ZNF407: variants seen among roughly 807,000 people sequenced by gnomAD.
The protein encoded by ZNF407 is zinc finger protein 407.
Under a neutral mutation model 131.2 loss-of-function variants are expected in ZNF407, and 17 were observed. That is an observed-to-expected ratio of 0.13 (90% CI 0.09 to 0.19). The LOEUF (loss-of-function observed/expected upper bound fraction) is 0.19, where lower values mean the gene tolerates loss of function less well. Ranked by LOEUF, ZNF407 falls within the 10% of genes least tolerant of loss-of-function variation. The probability of loss-of-function intolerance (pLI) is 1.00; values close to 1 mark genes in which losing one functional copy is unlikely to be tolerated. For missense variants in ZNF407, 2,681 were observed against 2,830.6 expected (o/e 0.95, Z 1.20); for synonymous variants, 1,156 against 1,062.0 (o/e 1.09, Z -1.72).
intron 4 of ZNF407, among the ~76,000 whole-genome samples, chr18:74,813,058 G>T (rs1970219342): frequency 6.6e-6 from 1 of 152,016 alleles, no homozygotes; most frequent in South Asian, 2.1e-4. Flanking sequence ...CTGAATTGTT[G>T]GTTACACCTT....
intron 1 of ZNF407, among the ~76,000 whole-genome samples, chr18:74,606,421 T>C (rs1338266920): frequency 6.6e-6 from 1 of 152,182 alleles, no homozygotes; most frequent in Non-Finnish European, 1.5e-5. Context: ...ATATTTTAAA[T>C]ATATTTTGAG....
At chr18:74,850,839 G>A (rs57556157) in intron 4 of ZNF407, among the ~76,000 whole-genome samples, 1 of 152,082 alleles carries the variant, frequency 6.6e-6, no homozygotes, top group Admixed American at 6.5e-5. Flanking sequence ...AAGAACTCTC[G>A]AGAGCACAAA....
chr18:74,610,086 AG>A (rs1982988513), intron 1 of ZNF407, among the ~76,000 whole-genome samples: 1 of 152,218 alleles, frequency 6.6e-6, no homozygotes, highest in Non-Finnish European at 1.5e-5. Flanking sequence ...TCTTGGAGGC[AG>A]GGAACAAGTC....
chr18:74,732,489 A>G (rs1968316416), intron 3 of ZNF407, among the ~76,000 whole-genome samples: 1 of 152,144 alleles, frequency 6.6e-6, no homozygotes, highest in Admixed American at 6.5e-5. Flanking sequence ...CTAAGCCAAG[A>G]TGAGAGTTCT....
At chr18:74,906,798 T>C (rs1971601325) in intron 7 of ZNF407, among the ~76,000 whole-genome samples, 1 of 150,970 alleles carries the variant, frequency 6.6e-6, no homozygotes, top group African/African-American at 2.4e-5. Context: ...GTGTATATAT[T>C]TTATATGTGC....
chr18:75,014,444 C>T (rs1304994240), intron 8 of ZNF407, among the ~76,000 whole-genome samples: 2 of 151,910 alleles, frequency 1.3e-5, no homozygotes, highest in Non-Finnish European at 2.9e-5. Context: ...AGCCATTTTC[C>T]TCTTTCTTTT....
At chr18:74,853,545 T>C (rs1970818610) in intron 4 of ZNF407, among the ~76,000 whole-genome samples, 1 of 152,222 alleles carries the variant, frequency 6.6e-6, no homozygotes, top group African/African-American at 2.4e-5. Flanking sequence ...AGTTATTCTT[T>C]TTCATAAAGT....
chr18:74,732,407 T>G (rs1479982881), intron 3 of ZNF407, among the ~76,000 whole-genome samples: 1 of 152,144 alleles, frequency 6.6e-6, no homozygotes, highest in East Asian at 1.9e-4. Flanking sequence ...ACATCTGTCT[T>G]GAGGGTATCA....
intron 8 of ZNF407, among the ~76,000 whole-genome samples, chr18:74,962,273 T>C (rs1259293849): frequency 6.6e-6 from 1 of 152,216 alleles, no homozygotes; most frequent in East Asian, 1.9e-4. Flanking sequence ...TTTACTGTAT[T>C]TACTCAGGGA....
intron 3 of ZNF407, among the ~76,000 whole-genome samples, chr18:74,780,501 G>A (rs1258540322): frequency 3.3e-5 from 5 of 152,020 alleles, no homozygotes; most frequent in Non-Finnish European, 7.4e-5. Context: ...TCATATTTTT[G>A]CATATGTCAT....
At chr18:74,723,149 A>G (rs1304769381) in intron 3 of ZNF407, among the ~76,000 whole-genome samples, 1 of 152,172 alleles carries the variant, frequency 6.6e-6, no homozygotes, top group Non-Finnish European at 1.5e-5. Flanking sequence ...TAAAATTCTC[A>G]TTGGACTTTT....
intron 4 of ZNF407, among the ~76,000 whole-genome samples, chr18:74,838,886 CT>C (rs947181868): frequency 1.6e-4 from 24 of 151,880 alleles, no homozygotes; most frequent in African/African-American, 5.6e-4. Flanking sequence ...CATCAATCAT[CT>C]TTTTTTCACT....
In ZNF407 at chr18:74,634,808, T is replaced by C. The variant is rs1255336912; in HGVS notation, c.3789T>C (p.Pro1263=). ...TLDGERSAES[P]VLVVTRITRE... The stretch of plus-strand genomic sequence containing the variant: ...ATGGGGAGCGCTCGGCTGAAAGCCC[T>C]GTGCTCGTTGTGACAAGAATAACCA... Residue 1263 remains proline (P), a synonymous_variant, in exon 2 of 9, where the codon CCT becomes CCC. Coordinates refer to ENST00000299687, the MANE Select transcript of ZNF407 (RefSeq NM_017757.3). The C allele has an allele frequency of 5.6e-6, 9 of 1,613,980 alleles. No homozygotes were observed. The highest frequency in any genetic ancestry group is 7.6e-6 in the Non-Finnish European group (9 of 1,179,882).
At chr18:74,720,599 C>G (rs1460022071) in intron 3 of ZNF407, among the ~76,000 whole-genome samples, 1 of 152,008 alleles carries the variant, frequency 6.6e-6, no homozygotes, top group African/African-American at 2.4e-5. Flanking sequence ...AAGCAGTTCT[C>G]CTATGTTTTC....
chr18:75,061,814 C>A, intron 8 of ZNF407: 1 of 152,820 alleles, frequency 6.5e-6, no homozygotes. Context: ...CTGCTCACCC[C>A]CTCTTTTCTC....
chr18:74,631,052 T>A lies in ZNF407; in HGVS notation c.33T>A (p.Asp11Glu). The change falls in exon 2 of 9, where the codon GAT becomes GAA. Residue 11 changes from aspartate (D) to glutamate (E), a missense_variant. Coordinates refer to ENST00000299687, the MANE Select transcript of ZNF407 (RefSeq NM_017757.3). ...ATAGTGAGAATAAACCCGAAAATGATGAGGATGAAAAGATAAACAAAGAAG... is the reference window on the plus strand; with the variant it reads ...ATAGTGAGAATAAACCCGAAAATGAAGAGGATGAAAAGATAAACAAAGAAG... MMDSENKPEN[D>E]EDEKINKEAQ... 1 of 1,610,852 alleles carries A rather than the reference T, an allele frequency of 6.2e-7. No individual in the cohort carries two copies. The highest frequency in any genetic ancestry group is 1.3e-5 in the African/African-American group (1 of 74,768).
At chr18:74,602,315 G>A (rs1599119220) in intron 1 of ZNF407, among the ~76,000 whole-genome samples, 1 of 152,242 alleles carries the variant, frequency 6.6e-6, no homozygotes, top group East Asian at 1.9e-4. Flanking sequence ...GAGAGATGAT[G>A]GTCTCCAACA....
intron 8 of ZNF407, among the ~76,000 whole-genome samples, chr18:75,020,188 C>T (rs1028147596): frequency 2.6e-5 from 4 of 151,822 alleles, no homozygotes; most frequent in East Asian, 3.9e-4. Context: ...TCCTCATGTG[C>T]GTAATTTATA....
In ZNF407 at chr18:75,064,147, C is replaced by T; in HGVS notation, c.6426C>T (p.Ile2142=). The change falls in exon 9 of 9, where the codon ATC becomes ATT. Residue 2142 remains isoleucine, a synonymous_variant. Transcript: ENST00000299687. ...HMDLVESDGE[I]SQIIVTEELV... ...ATCTGGTGGAGTCCGACGGGGAGAT[C>T]TCGCAGATCATCGTGACGGAGGAGC... is the stretch of plus-strand genomic sequence containing the variant. The T allele has an allele frequency of 1.9e-6, 3 of 1,603,502 alleles. No homozygotes were observed. Among genetic ancestry groups the T allele is most frequent in the Non-Finnish European group, 2.6e-6 (3 of 1,175,166 alleles).
Sources: allele counts gnomAD v4.1 joint callset (sites outside exome capture counted in the v4.1 genomes callset), GRCh38; gene constraint gnomAD v4.1.1; transcripts MANE v1.5; gene names NCBI Gene and HGNC (gene_info 2026-07-23, HGNC 2026-07-21).